The following MTARC2 variants were observed in gnomAD, a reference collection of about 807,000 sequenced individuals.
MTARC2 encodes MOCO sulphurase C-terminal domain containing 2.
A neutral mutation model predicts 35.6 loss-of-function variants in MTARC2; 27 were observed. The observed-to-expected ratio is 0.76, with a 90% CI of 0.56 to 1.04. The LOEUF (loss-of-function observed/expected upper bound fraction) is 1.04, where lower values mean the gene tolerates loss of function less well. Among genes scored for constraint, MTARC2 ranks in the 50% least tolerant of loss-of-function variants. MTARC2 has a pLI of 0.00. For missense variants in MTARC2, 412 were observed against 432.5 expected, an observed-to-expected ratio of 0.95 and a Z score of 0.42; for synonymous variants, 158 against 167.1, an observed-to-expected ratio of 0.95 and a Z score of 0.42.
At chr1:220,755,250 T>C in intron 2 of MTARC2, 130 bp downstream of exon 2, 1 of 1,021,750 alleles carries the variant, frequency 9.8e-7, no homozygotes, top group Middle Eastern at 3.2e-4. Flanking sequence ...TTAAGAGAAG[T>C]GCAGTTTGAG....
chr1:220,761,488 G>C (rs1331143059), intron 2 of MTARC2, among the ~76,000 whole-genome samples, 170 bp from the exon 3 acceptor site: 12 of 152,206 alleles, frequency 7.9e-5, no homozygotes. Flanking sequence ...CTCTTCCCCA[G>C]AGCACACTCT....
chr1:220,765,519 G>C (rs1007563966), intron 4 of MTARC2, among the ~76,000 whole-genome samples: 1 of 152,216 alleles, frequency 6.6e-6, no homozygotes, highest in African/African-American at 2.4e-5. Context: ...CTCATTGAAA[G>C]GCAGGGAAGC....
At chr1:220,763,073 G>T in intron 4 of MTARC2, 23 bp downstream of exon 4, 1 of 1,614,164 alleles carries the variant, frequency 6.2e-7, no homozygotes, top group Non-Finnish European at 8.5e-7. Flanking sequence ...CTGCTTTTGT[G>T]CATCATGCTC....
chr1:220,760,017 C>G (rs778249836), intron 2 of MTARC2, among the ~76,000 whole-genome samples: 37 of 152,106 alleles, frequency 2.4e-4, no homozygotes, highest in Non-Finnish European at 4.3e-4. Flanking sequence ...TATGAGCCTT[C>G]CCACGGGGAG....
At chr1:220,783,554 A>G (rs1333011778) in intron 7 of MTARC2, among the ~76,000 whole-genome samples, 1 of 152,204 alleles carries the variant, frequency 6.6e-6, no homozygotes, top group Non-Finnish European at 1.5e-5. Flanking sequence ...TCACAAACTC[A>G]TCCAATCAGA....
chr1:220,783,323 C>T (rs935178103), intron 7 of MTARC2, among the ~76,000 whole-genome samples: 60 of 152,160 alleles, frequency 3.9e-4, no homozygotes, highest in African/African-American at 1.4e-3. Context: ...CTGTGAAGCT[C>T]CTAAGTACCT....
intron 4 of MTARC2, among the ~76,000 whole-genome samples, chr1:220,771,119 T>C (rs977462729): frequency 6.6e-6 from 1 of 152,018 alleles, no homozygotes; most frequent in Non-Finnish European, 1.5e-5. Flanking sequence ...ACCACTATGG[T>C]GAAACCCCAT....
chr1:220,776,207 G>A (rs9970128), intron 4 of MTARC2, among the ~76,000 whole-genome samples: 3,613 of 152,144 alleles, frequency 0.024, 108 homozygotes, highest in African/African-American at 0.064. Flanking sequence ...ACTTTTTAGT[G>A]ATAGCCATTC....
Position 220,761,913 on chromosome 1 carries a change from C to A in MTARC2, c.609+93C>A, listed in dbSNP as rs2275574. On this transcript the variant is annotated intron_variant, in intron 3 of 7. Coordinates refer to ENST00000366913, the MANE Select transcript of MTARC2 (RefSeq NM_017898.5). ...TGATAAAGAGCCTCTCTTGGGACCT[C>A]AGTTAAGAAAATATGATAATGGCCC... 8.9e-3 allele frequency: 11,168 copies of A among 1,258,816 alleles called. 198 individuals carry two copies. The highest frequency in any genetic ancestry group is 0.059 in the East Asian group (2,546 of 42,900). 78.0% of individuals were successfully genotyped at this position (1,258,816 alleles called of 1,614,324 possible). A position where few individuals can be genotyped will look rare whatever the true frequency, so the allele number is the denominator to read the frequency against.
intron 2 of MTARC2, among the ~76,000 whole-genome samples, chr1:220,756,121 T>G (rs1671273803): frequency 6.6e-6 from 1 of 152,218 alleles, no homozygotes; most frequent in Non-Finnish European, 1.5e-5. Flanking sequence ...GGCCTTGGCT[T>G]CCTTTTGGCC....
intron 4 of MTARC2, among the ~76,000 whole-genome samples, chr1:220,769,944 A>G (rs1671694805): frequency 6.8e-6 from 1 of 148,036 alleles, no homozygotes; most frequent in South Asian, 2.1e-4. Flanking sequence ...CAAAAAAAAA[A>G]AAAAAAAAAA....
At chr1:220,768,210 C>T (rs1671637783) in intron 4 of MTARC2, among the ~76,000 whole-genome samples, 1 of 152,130 alleles carries the variant, frequency 6.6e-6, no homozygotes. Flanking sequence ...GTAGTGAGTC[C>T]TGACTAACAC....
chr1:220,759,080 A>G (rs1671361196), intron 2 of MTARC2, among the ~76,000 whole-genome samples: 1 of 152,166 alleles, frequency 6.6e-6, no homozygotes, highest in Admixed American at 6.5e-5. Flanking sequence ...AGTCCTAAAC[A>G]TTTACTCTTT....
chr1:220,768,943 G>T (rs1572307482), intron 4 of MTARC2, among the ~76,000 whole-genome samples: 1 of 152,240 alleles, frequency 6.6e-6, no homozygotes, highest in Non-Finnish European at 1.5e-5. Flanking sequence ...ATATTTTTAG[G>T]GGACTCCAGC....
chr1:220,778,620 C>T (rs890594388), intron 4 of MTARC2, among the ~76,000 whole-genome samples: 3 of 152,148 alleles, frequency 2.0e-5, no homozygotes, highest in Non-Finnish European at 4.4e-5. Context: ...CAGATCCAAA[C>T]CATATCATGT....
chr1:220,777,680 A>T (rs1013874225), intron 4 of MTARC2, among the ~76,000 whole-genome samples: 3 of 152,098 alleles, frequency 2.0e-5, no homozygotes, highest in African/African-American at 7.2e-5. Context: ...TGAAATTCAA[A>T]CCTTAAATCA....
At chr1:220,769,033 A>G (rs1572307574) in intron 4 of MTARC2, among the ~76,000 whole-genome samples, 1 of 152,204 alleles carries the variant, frequency 6.6e-6, no homozygotes, top group Non-Finnish European at 1.5e-5. Context: ...GAGTGGATGG[A>G]GTAGGAATAC....
chr1:220,773,822 G>GA (rs931415958), intron 4 of MTARC2, among the ~76,000 whole-genome samples: 1 of 151,710 alleles, frequency 6.6e-6, no homozygotes, highest in African/African-American at 2.4e-5. Context: ...AAAGGCAAAA[G>GA]AAAAAAATTA....
At chr1:220,767,087 G>A (rs1329438692) in intron 4 of MTARC2, among the ~76,000 whole-genome samples, 1 of 151,992 alleles carries the variant, frequency 6.6e-6, no homozygotes, top group Non-Finnish European at 1.5e-5. Context: ...TGGGCTTACA[G>A]AAGTAGCAAA....
Sources: allele counts gnomAD v4.1 joint callset (sites outside exome capture counted in the v4.1 genomes callset), GRCh38; gene constraint gnomAD v4.1.1; transcripts MANE v1.5; gene names NCBI Gene and HGNC (gene_info 2026-07-23, HGNC 2026-07-21).